Variants in PCDH9 observed in about 807,000 individuals in gnomAD.
The protein encoded by PCDH9 is protocadherin 9.
Under a neutral mutation model 70.6 loss-of-function variants are expected in PCDH9, and 24 were observed. That is an observed-to-expected ratio of 0.34 (90% CI 0.25 to 0.48). The LOEUF is 0.48. Ranked by LOEUF, PCDH9 falls within the 20% of genes least tolerant of loss-of-function variation. The probability of loss-of-function intolerance (pLI) is 0.99; values close to 1 mark genes in which losing one functional copy is unlikely to be tolerated. For missense variants in PCDH9, 1,281 were observed against 1,503.6 expected, an observed-to-expected ratio of 0.85 and a Z score of 2.45; for synonymous variants, 562 against 558.5, an observed-to-expected ratio of 1.01 and a Z score of -0.09.
chr13:66,586,719 A>C (rs920512581), intron 4 of PCDH9, among the ~76,000 whole-genome samples: 15 of 152,330 alleles, frequency 9.8e-5, no homozygotes, highest in African/African-American at 3.6e-4. Flanking sequence ...GAGGAGTTGC[A>C]AACTACTGAC....
At chr13:66,995,259 G>A (rs1048000817) in intron 2 of PCDH9, among the ~76,000 whole-genome samples, 11 of 152,150 alleles carry the variant, frequency 7.2e-5, no homozygotes, top group Non-Finnish European at 1.5e-4. Flanking sequence ...GGCTTCTCAA[G>A]GGCATCGGAA....
chr13:67,224,925 A>G, intron 2 of PCDH9: 1 of 998,288 alleles, frequency 1.0e-6, no homozygotes, highest in Non-Finnish European at 1.2e-6. Context: ...TATCCTGTTT[A>G]GAGACTAAAA....
intron 2 of PCDH9, among the ~76,000 whole-genome samples, chr13:67,108,551 G>C (rs1368277662): frequency 6.6e-6 from 1 of 152,106 alleles, no homozygotes; most frequent in Non-Finnish European, 1.5e-5. Context: ...TCAATTTTTA[G>C]AGAAAAAACT....
intron 3 of PCDH9, among the ~76,000 whole-genome samples, chr13:66,885,760 G>T (rs2081994551): frequency 6.6e-6 from 1 of 152,136 alleles, no homozygotes. Flanking sequence ...AAAACTTGAA[G>T]TAGAATGGAA....
intron 2 of PCDH9, chr13:67,208,642 A>T (rs1346707427): frequency 6.6e-6 from 1 of 152,174 alleles, no homozygotes; most frequent in South Asian, 2.1e-4. Flanking sequence ...TAAATTTACT[A>T]CTGTCACTAG....
chr13:66,691,496 T>C (rs572084173), intron 3 of PCDH9, among the ~76,000 whole-genome samples: 1 of 152,298 alleles, frequency 6.6e-6, no homozygotes, highest in Non-Finnish European at 1.5e-5. Context: ...TTTGTTTCAA[T>C]GATGTAAGAT....
chr13:67,133,507 C>G (rs2087157484), intron 2 of PCDH9, among the ~76,000 whole-genome samples: 1 of 152,072 alleles, frequency 6.6e-6, no homozygotes. Context: ...GGATGCTTTA[C>G]TGTCTGTAAT....
chr13:66,607,196 T>C (rs2077231973), intron 4 of PCDH9, among the ~76,000 whole-genome samples: 1 of 152,138 alleles, frequency 6.6e-6, no homozygotes, highest in South Asian at 2.1e-4. Context: ...TCAAGACCCT[T>C]TCTTCCACTC....
chr13:67,019,988 C>T (rs2084643329), intron 2 of PCDH9, among the ~76,000 whole-genome samples: 1 of 152,154 alleles, frequency 6.6e-6, no homozygotes, highest in African/African-American at 2.4e-5. Flanking sequence ...AATTCTTTAG[C>T]TATAAAATTA....
chr13:66,536,918 C>T (rs1173926996), intron 4 of PCDH9, among the ~76,000 whole-genome samples: 1 of 151,994 alleles, frequency 6.6e-6, no homozygotes, highest in Non-Finnish European at 1.5e-5. Flanking sequence ...TCATGAGTTT[C>T]CTATGACTCA....
At chr13:66,421,401 G>GA (rs1164900252) in intron 4 of PCDH9, among the ~76,000 whole-genome samples, 3 of 152,120 alleles carry the variant, frequency 2.0e-5, no homozygotes, top group African/African-American at 7.2e-5. Flanking sequence ...TGATATGAAG[G>GA]AAAAAATGTT....
At chr13:66,792,828 G>A (rs559859669) in intron 3 of PCDH9, among the ~76,000 whole-genome samples, 2 of 152,230 alleles carry the variant, frequency 1.3e-5, no homozygotes, top group Admixed American at 6.5e-5. Flanking sequence ...ATATATGTAG[G>A]TGTTGCACTT....
intron 2 of PCDH9, among the ~76,000 whole-genome samples, chr13:67,135,711 T>A (rs945545179): frequency 7.2e-5 from 11 of 151,940 alleles, no homozygotes; most frequent in African/African-American, 2.2e-4. Flanking sequence ...TTACAAGGAG[T>A]CAATTAAAAA....
intron 4 of PCDH9, among the ~76,000 whole-genome samples, chr13:66,545,714 C>T (rs1427267898): frequency 2.6e-5 from 4 of 152,092 alleles, no homozygotes; most frequent in Non-Finnish European, 5.9e-5. Flanking sequence ...ATGGCACACA[C>T]ACTTATTTAC....
At chr13:66,812,455 T>C (rs1008277897) in intron 3 of PCDH9, among the ~76,000 whole-genome samples, 1 of 152,164 alleles carries the variant, frequency 6.6e-6, no homozygotes, top group Admixed American at 6.5e-5. Context: ...TAAATCACTA[T>C]GTCAAACACG....
At chr13:66,935,319 A>C (rs545577069) in intron 2 of PCDH9, among the ~76,000 whole-genome samples, 1 of 152,070 alleles carries the variant, frequency 6.6e-6, no homozygotes, top group East Asian at 1.9e-4. Flanking sequence ...GCCTCTTAAA[A>C]TGCTGGGATT....
At chr13:66,454,887 G>A (rs1178381165) in intron 4 of PCDH9, among the ~76,000 whole-genome samples, 1 of 152,076 alleles carries the variant, frequency 6.6e-6, no homozygotes, top group Admixed American at 6.5e-5. Flanking sequence ...TTACAGGCGT[G>A]AGCCACGCCA....
chr13:66,500,252 A>C (rs1959169749), intron 4 of PCDH9, among the ~76,000 whole-genome samples: 2 of 152,270 alleles, frequency 1.3e-5, no homozygotes, highest in South Asian at 4.1e-4. Context: ...TTTCTGTCAT[A>C]TGATCTTGCA....
At position 66,620,790 on chromosome 13, in the gene PCDH9, T is replaced by A. The variant is rs1460807066; in HGVS notation, c.3340+10420A>T. Among the ~76,000 whole-genome samples the A allele has an allele frequency of 2.0e-5, 3 of 152,096 alleles. No homozygotes were observed. The East Asian group carries it at 5.8e-4, about 29-fold the overall frequency. On this transcript the variant is annotated intron_variant, in intron 4 of 4. Coordinates refer to ENST00000377865, the MANE Select transcript of PCDH9 (RefSeq NM_203487.3). The stretch of plus-strand genomic sequence containing the variant: ...AAATTGCAAAACAATTTCAGGAACC[T>A]CACAAATTCCTAAAAATCTACTTGT...
Sources: gnomAD v4.1 joint callset for allele counts (sites outside exome capture counted in the v4.1 genomes callset) on GRCh38, gnomAD v4.1.1 for gene constraint, MANE v1.5 for transcripts, NCBI Gene and HGNC (gene_info 2026-07-23, HGNC 2026-07-21) for gene names.